The following OR4P4 variants were observed in gnomAD, a reference collection of about 807,000 sequenced individuals.
OR4P4 encodes olfactory receptor family 4 subfamily P member 4.
A neutral mutation model predicts 2.1 loss-of-function variants in OR4P4; 1 was observed. The ratio of observed to expected loss-of-function variants is 0.47; its 90% CI spans 0.17 to 2.21. The LOEUF (loss-of-function observed/expected upper bound fraction) is 2.21, where lower values mean the gene tolerates loss of function less well. Among genes scored for constraint, OR4P4 ranks in the 30% most tolerant of loss-of-function variants. The probability of loss-of-function intolerance (pLI) is 0.27; values close to 1 mark genes in which losing one functional copy is unlikely to be tolerated. For missense variants in OR4P4, 375 were observed against 376.5 expected (o/e 1.00, Z 0.03); for synonymous variants, 129 against 133.2 (o/e 0.97, Z 0.22).
chr11:55,636,310 C>T (rs1858388096), intron 1 of OR4P4, among the ~76,000 whole-genome samples: 1 of 137,706 alleles, frequency 7.3e-6, no homozygotes, highest in Admixed American at 7.9e-5. Context: ...ACTTTTGTTG[C>T]TTTCTAGAGC....
Position 55,639,050 on chromosome 11 carries a change from CAGCAA to C in OR4P4, c.697_701del (p.Lys233SerfsTer5). 2.0e-6 allele frequency: 3 copies of C among 1,491,538 alleles called. 1 individual carries two copies. Among genetic ancestry groups the C allele is most frequent in the Non-Finnish European group, 2.7e-6 (3 of 1,095,912 alleles). 92.4% of individuals were successfully genotyped at this position (1,491,538 alleles called of 1,614,324 possible). On this transcript the variant is annotated frameshift_variant, in exon 2 of 2. Transcript: ENST00000641760. LOFTEE classifies it low-confidence loss of function (END_TRUNC). Reference sequence around the variant, plus strand: ...TCAGAGCATACTCTGCAGAGAGACGCAGCAAAGCTCTTGCCACTTGTAGTTCTCAT... The same window carrying C: ...TCAGAGCATACTCTGCAGAGAGACGCAGCTCTTGCCACTTGTAGTTCTCAT...
intron 1 of OR4P4, among the ~76,000 whole-genome samples, chr11:55,637,542 A>T (rs1372905474): frequency 7.3e-6 from 1 of 137,598 alleles, no homozygotes; most frequent in Non-Finnish European, 1.6e-5. Flanking sequence ...TTCAATTTCT[A>T]TTACAATGAA....
At chr11:55,639,140 A>C in exon 2 of OR4P4, 1 of 1,494,098 alleles carries the variant, frequency 6.7e-7, no homozygotes. Context: ...GACCGGTCAC[A>C]ACATTCTCAG....
exon 2 of OR4P4, chr11:55,639,162 T>C (rs1858428852): frequency 1.3e-6 from 2 of 1,491,696 alleles, no homozygotes; most frequent in African/African-American, 2.8e-5. Context: ...AGATAAAGTG[T>C]TTGCCCTTTT....
chr11:55,639,495 C>T, exon 2 of OR4P4: 1 of 429,616 alleles, frequency 2.3e-6, no homozygotes, highest in East Asian at 4.0e-5. Context: ...CTTTCTTAAT[C>T]ATTACGATTG....
At position 55,638,914 on chromosome 11, in the gene OR4P4, C is replaced by T. The variant is rs780464742; in HGVS notation, c.557C>T (p.Ala186Val). The T allele has an allele frequency of 1.1e-5, 16 of 1,490,368 alleles. 3 individuals carry two copies. Among genetic ancestry groups the T allele is most frequent in the Non-Finnish European group, 1.0e-5 (11 of 1,096,212 alleles). The allele number at this position is 1,490,368 out of a possible 1,614,324, so 92.3% of individuals were successfully genotyped here. A position where few individuals can be genotyped will look rare whatever the true frequency, so the allele number is the denominator to read the frequency against. Residue 186 changes from alanine (A) to valine (V), a missense_variant, in exon 2 of 2, where the codon GCC (alanine) becomes GTC (valine). Coordinates refer to ENST00000641760, the Ensembl canonical transcript of OR4P4. ...GATGTGTATCCTTTGCTGAAATTGG[C>T]CTGTTCTAATATACACATGATAGGT... is the stretch of plus-strand genomic sequence containing the variant.
rs56711308 is a variant in OR4P4, at chr11:55,635,845, G to C, written c.-31+629G>C. 4.6e-3 allele frequency among the ~76,000 whole-genome samples: 638 copies of C among 137,556 alleles called. 53 individuals carry two copies. Among genetic ancestry groups the C allele is most frequent in the African/African-American group, 0.016 (622 of 39,892 alleles). The allele number at this position is 137,556 out of a possible 152,430, so 90.2% of individuals were successfully genotyped here. A position where few individuals can be genotyped will look rare whatever the true frequency, so the allele number is the denominator to read the frequency against. On this transcript the variant is annotated intron_variant, in intron 1 of 1. Transcript: ENST00000641760. ...AACAAGCTGTACTGCAAATTCTATA[G>C]ACTAAGACATTTTTGGATTAAATGA...
chr11:55,639,233 G>A lies in OR4P4; in HGVS notation c.876G>A (p.Met292Ile), dbSNP rs751343920. The change falls in exon 2 of 2, where the codon ATG becomes ATA. Residue 292 changes from methionine (M) to isoleucine (I), a missense_variant. By Grantham distance (10) the Met-to-Ile change is conservative (BLOSUM62 1). Transcript: ENST00000641760. ...TATACACGCTGAGAAACACAGAGAT[G>A]AAGAACGCCATGAGGAAAGTGTGGT... 2.9e-5 allele frequency: 43 copies of A among 1,488,016 alleles called. 11 individuals are homozygous for A. In the Middle Eastern group the frequency reaches 2.1e-3, roughly 72 times the overall value. The allele number at this position is 1,488,016 out of a possible 1,614,324, so 92.2% of individuals were successfully genotyped here. A position where few individuals can be genotyped will look rare whatever the true frequency, so the allele number is the denominator to read the frequency against.
chr11:55,639,198 A>C (rs1858429637), exon 2 of OR4P4: 1 of 1,489,320 alleles, frequency 6.7e-7, no homozygotes, highest in Non-Finnish European at 9.1e-7. Flanking sequence ...TCCCATGTTC[A>C]ACCCTCTCAT....
Position 55,639,561 on chromosome 11 carries a change from C to T in OR4P4, c.*265C>T, listed in dbSNP as rs898110439. The T allele has an allele frequency of 4.7e-4, 142 of 301,712 alleles. 12 individuals are homozygous for T. Among genetic ancestry groups the T allele is most frequent in the African/African-American group, 2.8e-3 (129 of 46,500 alleles). The allele number at this position is 301,712 out of a possible 1,614,324, so 18.7% of individuals were successfully genotyped here. A position where few individuals can be genotyped will look rare whatever the true frequency, so the allele number is the denominator to read the frequency against. ...TTCTTAAAAATAAAGGATTACATGG[C>T]GTTGTGTTGAAAAAATAAAACAGAT... On this transcript the variant is annotated 3_prime_UTR_variant, in exon 2 of 2. Transcript: ENST00000641760.
Position 55,639,239 on chromosome 11 carries a change from C to A in OR4P4, c.882C>A (p.Asn294Lys), listed in dbSNP as rs754844051. The A allele has an allele frequency of 2.7e-6, 4 of 1,486,204 alleles. 1 individual carries two copies. Among genetic ancestry groups the A allele is most frequent in the Non-Finnish European group, 3.7e-6 (4 of 1,094,150 alleles). The allele number at this position is 1,486,204 out of a possible 1,614,324, so 92.1% of individuals were successfully genotyped here. ...CGCTGAGAAACACAGAGATGAAGAA[C>A]GCCATGAGGAAAGTGTGGTGTTGTC... Residue 294 changes from asparagine to lysine, a missense_variant, in exon 2 of 2, where the codon AAC becomes AAA. Physicochemically the swap from Asn to Lys is moderately conservative, Grantham distance 94. Coordinates refer to ENST00000641760, the Ensembl canonical transcript of OR4P4.
At chr11:55,639,028 G>A (rs1255764469) in exon 2 of OR4P4, 2 of 1,492,552 alleles carry the variant, frequency 1.3e-6, no homozygotes, top group African/African-American at 1.4e-5. Flanking sequence ...TATACCATCA[G>A]AGCATACTCT....
intron 1 of OR4P4, 138 bp downstream of exon 1, chr11:55,635,354 A>C (rs1858375715): frequency 7.2e-6 from 1 of 138,016 alleles, no homozygotes; most frequent in Non-Finnish European, 1.6e-5. Context: ...GAACACCTTC[A>C]GAAATCACTT....
intron 1 of OR4P4, 138 bp from the exon 2 acceptor site, chr11:55,638,190 C>T: frequency 2.3e-6 from 1 of 436,112 alleles, no homozygotes; most frequent in Admixed American, 4.5e-5. Context: ...ATTAGAAAGC[C>T]ATTTTAATTG....
rs1858375903 is a variant in OR4P4, at chr11:55,635,382, G to A, written c.-31+166G>A. Among the ~76,000 whole-genome samples the A allele has an allele frequency of 1.4e-4, 19 of 137,894 alleles. 7 individuals carry two copies. The South Asian group carries it at 4.5e-3, about 32-fold the overall frequency. 90.5% of individuals were successfully genotyped at this position (137,894 alleles called of 152,430 possible). A position where few individuals can be genotyped will look rare whatever the true frequency, so the allele number is the denominator to read the frequency against. ...AATCACTTGGTTCTCTTTGGACTAT[G>A]ATTTGAGTAGTTTTTGAAAACAAGG... On this transcript the variant is annotated intron_variant, in intron 1 of 1. Transcript: ENST00000641760.
exon 2 of OR4P4, chr11:55,639,473 A>G (rs1858433656): frequency 2.2e-6 from 1 of 463,990 alleles, no homozygotes; most frequent in African/African-American, 2.0e-5. Context: ...TCTTATCCAT[A>G]CTCTCCTCCG....
chr11:55,635,441 T>C (rs1229156769), intron 1 of OR4P4, among the ~76,000 whole-genome samples: 1 of 137,486 alleles, frequency 7.3e-6, no homozygotes, highest in African/African-American at 2.5e-5. Flanking sequence ...CTTTTTTTTA[T>C]GGGGTGGCCT....
In OR4P4 at chr11:55,639,375, T is replaced by C; in HGVS notation, c.*79T>C. 7.3e-6 allele frequency: 6 copies of C among 825,142 alleles called. 2 individuals carry two copies. The highest frequency in any genetic ancestry group is 1.1e-5 in the Non-Finnish European group (6 of 551,862). 51.1% of individuals were successfully genotyped at this position (825,142 alleles called of 1,614,324 possible). On this transcript the variant is annotated 3_prime_UTR_variant, in exon 2 of 2. Coordinates refer to ENST00000641760, the Ensembl canonical transcript of OR4P4. ...TCATCTTGCTCTTGTCCTTAATGTT[T>C]GGAGAGAAAAGTGGGCAAACAGGAA...
At position 55,635,747 on chromosome 11, in the gene OR4P4, CAT is replaced by C. The variant is rs1397981181; in HGVS notation, c.-31+532_-31+533del. The stretch of plus-strand genomic sequence containing the variant: ...TCTCTCTTAGCATTGCCCTCATAAA[CAT>C]GTGATATTTGTTGAAAATATATTTT... On this transcript the variant is annotated intron_variant, in intron 1 of 1. Coordinates refer to ENST00000641760, the Ensembl canonical transcript of OR4P4. Among the ~76,000 whole-genome samples the C allele has an allele frequency of 1.5e-5, 2 of 137,248 alleles. 1 individual carries two copies. The highest frequency in any genetic ancestry group is 3.3e-5 in the Non-Finnish European group (2 of 61,514). 90.0% of individuals were successfully genotyped at this position (137,248 alleles called of 152,430 possible). A position where few individuals can be genotyped will look rare whatever the true frequency, so the allele number is the denominator to read the frequency against.
Sources: gnomAD v4.1 joint callset for allele counts (sites outside exome capture counted in the v4.1 genomes callset) on GRCh38, gnomAD v4.1.1 for gene constraint, MANE v1.5 for transcripts, NCBI Gene and HGNC (gene_info 2026-07-23, HGNC 2026-07-21) for gene names.